CENATAC: variants seen among roughly 807,000 people sequenced by gnomAD.
CENATAC encodes the protein coiled-coil domain containing 84.
In CENATAC, 53 loss-of-function variants were observed where a neutral mutation model predicts 53.7. The ratio of observed to expected loss-of-function variants is 0.99; its 90% CI spans 0.79 to 1.24. CENATAC has a LOEUF of 1.24. CENATAC is among the 50% of genes most tolerant of loss of function. The pLI is 0.00. For missense variants in CENATAC, 474 were observed against 417.8 expected (o/e 1.13, Z -1.17); for synonymous variants, 156 against 144.6 (o/e 1.08, Z -0.57).
At chr11:119,009,917 A>G (rs1942787232) in intron 3 of CENATAC, 1 of 152,226 alleles carries the variant, frequency 6.6e-6, no homozygotes, top group African/African-American at 2.4e-5. Flanking sequence ...AGGCCAAGGC[A>G]GGAGAATTGC....
Position 119,011,872 on chromosome 11 carries a change from T to C in CENATAC, c.514-67T>C. ...TCCTGTGATACTGGGGTCTGGAGGGTGGAGGCATGGCCTAGGCAGGCTCTT... is the reference window on the plus strand; with the variant it reads ...TCCTGTGATACTGGGGTCTGGAGGGCGGAGGCATGGCCTAGGCAGGCTCTT... On this transcript the variant is annotated intron_variant, in intron 5 of 10. Transcript: ENST00000334418. 3 of 1,384,852 alleles carry C rather than the reference T, an allele frequency of 2.2e-6. No individual in the cohort carries two copies. The South Asian group carries it at 3.5e-5, about 16-fold the overall frequency. 85.8% of individuals were successfully genotyped at this position (1,384,852 alleles called of 1,614,324 possible).
At chr11:119,014,699 ATACT>A (rs781816463) in intron 8 of CENATAC, 37 of 231,676 alleles carry the variant, frequency 1.6e-4, no homozygotes, top group Admixed American at 3.9e-4. Flanking sequence ...GGGGGCAGTG[ATACT>A]TACAGGGGGA....
chr11:118,998,979 T>A (rs1338748598), intron 2 of CENATAC, 32 bp from the exon 3 acceptor site: 1 of 1,456,896 alleles, frequency 6.9e-7, no homozygotes. Context: ...TTATAATCTA[T>A]AGCTGAGATT....
intron 3 of CENATAC, among the ~76,000 whole-genome samples, chr11:118,999,450 C>T (rs545621354): frequency 6.6e-6 from 1 of 151,884 alleles, no homozygotes; most frequent in South Asian, 2.1e-4. Context: ...TAGTTTTGGA[C>T]TCTATTTTAT....
At chr11:119,015,219 A>G in intron 9 of CENATAC, 88 bp from the exon 10 acceptor site, 3 of 1,485,240 alleles carry the variant, frequency 2.0e-6, no homozygotes, top group Non-Finnish European at 2.7e-6. Context: ...TGAGCCCAGA[A>G]GTTTGAAAAC....
intron 3 of CENATAC, among the ~76,000 whole-genome samples, chr11:119,009,256 A>T (rs570991440): frequency 6.6e-6 from 1 of 152,148 alleles, no homozygotes; most frequent in African/African-American, 2.4e-5. Flanking sequence ...CCTCCCAAGT[A>T]GCTGGGATTA....
Position 119,010,759 on chromosome 11 carries a change from T to C in CENATAC, c.384-5T>C. On this transcript the variant is annotated splice_region_variant and splice_polypyrimidine_tract_variant and intron_variant, in intron 3 of 10. Transcript: ENST00000334418. ...TCTGGGTGGTTTTGCCCCTTTTCTT[T>C]TTAGATTCAAGAAATCCATGGTGAA... The C allele has an allele frequency of 6.2e-7, 1 of 1,614,110 alleles. No homozygotes were observed. Among genetic ancestry groups the C allele is most frequent in the Non-Finnish European group, 8.5e-7 (1 of 1,179,986 alleles).
At chr11:119,009,276 G>C (rs999197908) in intron 3 of CENATAC, among the ~76,000 whole-genome samples, 3 of 152,128 alleles carry the variant, frequency 2.0e-5, no homozygotes, top group African/African-American at 7.2e-5. Context: ...ACAGGCACCT[G>C]CCACCACATC....
chr11:119,007,939 A>G (rs1942683619), intron 3 of CENATAC, among the ~76,000 whole-genome samples: 1 of 152,248 alleles, frequency 6.6e-6, no homozygotes, highest in South Asian at 2.1e-4. Context: ...AAGACCAAAG[A>G]GCCAGCTTCT....
chr11:119,010,826 A>G lies in CENATAC; in HGVS notation c.446A>G (p.Lys149Arg). The G allele has an allele frequency of 3.1e-6, 5 of 1,614,036 alleles. No homozygotes were observed. Among genetic ancestry groups the G allele is most frequent in the Non-Finnish European group, 4.2e-6 (5 of 1,179,884 alleles). The change falls in exon 4 of 11, where the codon AAG (lysine) becomes AGG (arginine). Residue 149 changes from lysine to arginine, a missense_variant. By Grantham distance (26) the Lys-to-Arg change is conservative. Coordinates refer to ENST00000334418, the MANE Select transcript of CENATAC (RefSeq NM_198489.3). ...SYEEKEDKVIKEMAAQIREVE... is the reference protein window; with the variant it reads ...SYEEKEDKVIREMAAQIREVE... ...GAAGAAAAGGAGGATAAAGTGATCA[A>G]GGAGGTAAGTTAAAGTAGCAGTCCC...
chr11:119,015,504 T>A (rs1473258750), intron 10 of CENATAC, 34 bp from the exon 11 acceptor site: 1 of 1,614,106 alleles, frequency 6.2e-7, no homozygotes, highest in Non-Finnish European at 8.5e-7. Context: ...GATGTCACCC[T>A]TCATCATCGT....
rs782404744 is a variant in CENATAC, at chr11:119,015,321, T to C, written c.820T>C (p.Leu274=). The change falls in exon 10 of 11, where the codon TTG becomes CTG. Residue 274 remains leucine, a synonymous_variant. Transcript: ENST00000334418. ...EFLKEKEKQK[L]KKLPPDRVGA... is the part of the protein sequence containing the mutation. ...TCATTGTACAGAGGAAAAACAGAAGTTGAAAAAACTCCCCCCAGACCGAGT... is the reference window on the plus strand; with the variant it reads ...TCATTGTACAGAGGAAAAACAGAAGCTGAAAAAACTCCCCCCAGACCGAGT... The C allele has an allele frequency of 4.3e-6, 7 of 1,611,412 alleles. No homozygotes were observed. The East Asian group carries it at 1.6e-4, about 36-fold the overall frequency.
chr11:119,000,298 T>G (rs559700690), intron 3 of CENATAC, among the ~76,000 whole-genome samples: 15 of 152,344 alleles, frequency 9.8e-5, no homozygotes, highest in African/African-American at 3.6e-4. Flanking sequence ...TATTAGAAGC[T>G]GTAGGTAGGA....
intron 8 of CENATAC, chr11:119,014,171 G>C (rs1205080781): frequency 6.6e-6 from 1 of 152,262 alleles, no homozygotes. Context: ...AGCTTCACTT[G>C]TAGCAGCTCC....
At chr11:119,009,710 G>A (rs933569892) in intron 3 of CENATAC, 2 of 152,198 alleles carry the variant, frequency 1.3e-5, no homozygotes, top group Non-Finnish European at 2.9e-5. Context: ...GGCTCTCAGG[G>A]AACACTGTTG....
chr11:119,012,232 C>T lies in CENATAC; in HGVS notation c.662C>T (p.Ser221Phe), dbSNP rs1315868025. The T allele has an allele frequency of 6.2e-7, 1 of 1,614,144 alleles. No homozygotes were observed. Residue 221 changes from serine to phenylalanine, a missense_variant, in exon 7 of 11, where the codon TCT becomes TTT. Ser to Phe is a radical substitution (Grantham distance 155). Coordinates refer to ENST00000334418, the MANE Select transcript of CENATAC (RefSeq NM_198489.3). ...CTTGACTGGATGGAGACAGGACCAT[C>T]TCTGACATTCATTGGCCATCAGGTA... ...PELDWMETGP[S>F]LTFIGHQDIP...
intron 6 of CENATAC, 50 bp downstream of exon 6, chr11:119,012,053 T>G: frequency 6.2e-7 from 1 of 1,613,876 alleles, no homozygotes; most frequent in Middle Eastern, 1.6e-4. Context: ...CTTAGAACAT[T>G]CTGCAACCTT....
chr11:119,015,695 A>G lies in CENATAC; in HGVS notation c.*97A>G. ...TCTTTATCATTGTCTTTCTTAGGAA[A>G]CAGACATACTCATTCATTTGATTTA... On this transcript the variant is annotated 3_prime_UTR_variant, in exon 11 of 11. Coordinates refer to ENST00000334418, the MANE Select transcript of CENATAC (RefSeq NM_198489.3). 1 of 1,352,030 alleles carries G rather than the reference A, an allele frequency of 7.4e-7. No homozygotes were observed. Among genetic ancestry groups the G allele is most frequent in the East Asian group, 2.3e-5 (1 of 43,308 alleles). 83.8% of individuals were successfully genotyped at this position (1,352,030 alleles called of 1,614,324 possible).
At chr11:119,005,932 G>A in intron 3 of CENATAC, 1 of 141,744 alleles carries the variant, frequency 7.1e-6, no homozygotes. Context: ...AATAATTTGA[G>A]ATGCTTTTTT....
Sources: allele counts gnomAD v4.1 joint callset (sites outside exome capture counted in the v4.1 genomes callset), GRCh38; gene constraint gnomAD v4.1.1; transcripts MANE v1.5; gene names NCBI Gene and HGNC (gene_info 2026-07-23, HGNC 2026-07-21).